Variants in COX7B observed in about 807,000 individuals in gnomAD.
COX7B encodes cytochrome c oxidase subunit 7B.
A neutral mutation model predicts 7.9 loss-of-function variants in COX7B; 2 were observed. That is an observed-to-expected ratio of 0.25 (90% CI 0.10 to 0.79). The LOEUF (loss-of-function observed/expected upper bound fraction) is 0.79. Ranked by LOEUF, COX7B falls within the 30% of genes least tolerant of loss-of-function variation. The pLI, the probability that COX7B is intolerant of heterozygous loss-of-function variation, is 0.69. For synonymous variants in COX7B, 19 were observed against 21.1 expected (o/e 0.90, Z 0.27); for missense variants, 54 against 62.7 (o/e 0.86, Z 0.47).
intron 2 of COX7B, 174 bp downstream of exon 2, chrX:77,902,941 TTC>T: frequency 2.6e-6 from 1 of 380,772 alleles, no homozygotes; most frequent in Non-Finnish European, 4.3e-6. Flanking sequence ...TTCATCCATC[TTC>T]TGTTCTTAAC....
intron 2 of COX7B, among the ~76,000 whole-genome samples, chrX:77,903,879 T>C (rs1435584071): frequency 9.1e-6 from 1 of 110,492 alleles, no homozygotes; most frequent in East Asian, 2.8e-4. Context: ...CACTGTTACT[T>C]ACTGGCTAAA....
At chrX:77,901,102 G>A (rs1328742413) in intron 1 of COX7B, among the ~76,000 whole-genome samples, 1 of 110,758 alleles carries the variant, frequency 9.0e-6, no homozygotes. Context: ...TTGTAAATTT[G>A]CCTATCCCGG....
chrX:77,899,738 T>C, intron 1 of COX7B, 145 bp downstream of exon 1: 5 of 561,465 alleles, frequency 8.9e-6, no homozygotes, highest in Non-Finnish European at 1.5e-5. Context: ...GTCATTGGGA[T>C]GATGTCCTTA....
intron 2 of COX7B, chrX:77,903,191 ATT>A (rs1218515030): frequency 4.3e-5 from 2 of 46,127 alleles, no homozygotes; most frequent in South Asian, 9.6e-4. Flanking sequence ...AGGCCTGGCT[ATT>A]TTTTTTTTTT....
At chrX:77,899,658 G>C in intron 1 of COX7B, 65 bp downstream of exon 1, 1 of 1,068,629 alleles carries the variant, frequency 9.4e-7, no homozygotes, top group Non-Finnish European at 1.3e-6. Flanking sequence ...GCGGCCTCTC[G>C]TGTGCTTTCC....
rs1345550472 is a variant in COX7B at position 77,905,292 on chromosome X, TA to T, written c.*37del. On this transcript the variant is annotated 3_prime_UTR_variant, in exon 3 of 3. Transcript: ENST00000650309. Reference sequence around the variant, plus strand: ...CCAGCTGGTGTAATAATGAATTGTTTAAAAAACAGCTCATAATTGATGCCAA... The same window carrying T: ...CCAGCTGGTGTAATAATGAATTGTTTAAAAACAGCTCATAATTGATGCCAA... The T allele has an allele frequency of 6.1e-5, 66 of 1,079,163 alleles. No homozygotes were observed. The highest frequency in any genetic ancestry group is 8.5e-5 in the Non-Finnish European group (66 of 778,198). 88.9% of individuals were successfully genotyped at this position (1,079,163 alleles called of 1,213,427 possible).
chrX:77,902,463 T>C (rs2077122882), intron 1 of COX7B, among the ~76,000 whole-genome samples, 180 bp from the exon 2 acceptor site: 1 of 112,721 alleles, frequency 8.9e-6, no homozygotes, highest in South Asian at 3.6e-4. Context: ...ATCTTATTTT[T>C]GTTGCATTTC....
chrX:77,905,311 G>T lies in COX7B; in HGVS notation c.*50G>T, dbSNP rs2077131534. 7.1e-6 allele frequency: 7 copies of T among 983,592 alleles called. No individual in the cohort carries two copies. The highest frequency in any genetic ancestry group is 8.7e-6 in the Non-Finnish European group (6 of 690,122). The allele number at this position is 983,592 out of a possible 1,213,427, so 81.1% of individuals were successfully genotyped here. ...ATTGTTTAAAAAACAGCTCATAATT[G>T]ATGCCAAATTAAAGCACTGTGTACC... On this transcript the variant is annotated 3_prime_UTR_variant, in exon 3 of 3. Transcript: ENST00000650309.
At position 77,899,641 on chromosome X, in the gene COX7B, T is replaced by C. The variant is rs782000863; in HGVS notation, c.40+48T>C. 3.5e-6 allele frequency: 4 copies of C among 1,144,125 alleles called. No individual in the cohort carries two copies. In the East Asian group the frequency reaches 9.0e-5, roughly 26 times the overall value. 94.3% of individuals were successfully genotyped at this position (1,144,125 alleles called of 1,213,427 possible). A position where few individuals can be genotyped will look rare whatever the true frequency, so the allele number is the denominator to read the frequency against. On this transcript the variant is annotated intron_variant, in intron 1 of 2. Coordinates refer to ENST00000650309, the MANE Select transcript of COX7B (RefSeq NM_001866.3). ...CATTTACAACAACCTTATATCAATG[T>C]GTCCTCGCGGCCTCTCGTGTGCTTT...
At position 77,905,481 on chromosome X, in the gene COX7B, G is replaced by GTTT. The variant is rs34296412; in HGVS notation, c.*245_*247dup. On this transcript the variant is annotated 3_prime_UTR_variant, in exon 3 of 3. Transcript: ENST00000650309. The stretch of plus-strand genomic sequence containing the variant: ...AAATGCTGTGCAGCTTCTTAAATAG[G>GTTT]TTTTTTTTTTTTTTTTTTTTTTTTT... 88 of 67,730 alleles carry GTTT rather than the reference G, an allele frequency of 1.3e-3. No homozygotes were observed. The highest frequency in any genetic ancestry group is 2.6e-3 in the South Asian group (7 of 2,659). The allele number at this position is 67,730 out of a possible 1,213,427, so 5.6% of individuals were successfully genotyped here. A position where few individuals can be genotyped will look rare whatever the true frequency, so the allele number is the denominator to read the frequency against.
At chrX:77,901,579 A>G (rs1168080676) in intron 1 of COX7B, among the ~76,000 whole-genome samples, 1 of 111,329 alleles carries the variant, frequency 9.0e-6, no homozygotes, top group East Asian at 2.8e-4. Flanking sequence ...ACTAACAGCA[A>G]ACTTTATCAT....
At chrX:77,902,938 A>G in intron 2 of COX7B, 171 bp downstream of exon 2, 2 of 384,314 alleles carry the variant, frequency 5.2e-6, no homozygotes, top group Middle Eastern at 7.5e-4. Flanking sequence ...GCATTCATCC[A>G]TCTTCTGTTC....
chrX:77,901,770 G>C (rs1470719007), intron 1 of COX7B: 1 of 111,204 alleles, frequency 9.0e-6, no homozygotes, highest in Non-Finnish European at 1.9e-5. Flanking sequence ...TGTTACCCAG[G>C]CTGGAGTGTA....
Position 77,906,064 on chromosome X carries a change from C to T in COX7B, c.*803C>T, listed in dbSNP as rs2077134432. The T allele has an allele frequency of 8.9e-6, 1 of 112,252 alleles. No homozygotes were observed. Among genetic ancestry groups the T allele is most frequent in the South Asian group, 3.6e-4 (1 of 2,757 alleles). 9.3% of individuals were successfully genotyped at this position (112,252 alleles called of 1,213,427 possible). A position where few individuals can be genotyped will look rare whatever the true frequency, so the allele number is the denominator to read the frequency against. Reference sequence around the variant, plus strand: ...CCTCCCAAAGTGGTAGGATTACAGGCGTGAGCCACGGCACCCAGCCCTTAA... The same window carrying T: ...CCTCCCAAAGTGGTAGGATTACAGGTGTGAGCCACGGCACCCAGCCCTTAA... On this transcript the variant is annotated 3_prime_UTR_variant, in exon 3 of 3. Transcript: ENST00000650309.
chrX:77,905,088 C>A, intron 2 of COX7B, 96 bp from the exon 3 acceptor site: 2 of 714,240 alleles, frequency 2.8e-6, no homozygotes, highest in Non-Finnish European at 4.4e-6. Flanking sequence ...GTATTTTTAA[C>A]CTATAGAACA....
At chrX:77,904,923 C>CCTGGA (rs1435168725) in intron 2 of COX7B, among the ~76,000 whole-genome samples, 3 of 112,038 alleles carry the variant, frequency 2.7e-5, no homozygotes, top group Non-Finnish European at 5.6e-5. Flanking sequence ...CTAGTAGCCA[C>CCTGGA]ATGTAGCTAG....
chrX:77,904,163 A>C (rs181050112), intron 2 of COX7B, among the ~76,000 whole-genome samples: 8 of 105,742 alleles, frequency 7.6e-5, no homozygotes, highest in African/African-American at 2.1e-4. Context: ...CGATCTCCTG[A>C]CCTCGTGATC....
Position 77,904,025 on chromosome X carries a change from C to T in COX7B, c.166-1159C>T, listed in dbSNP as rs528501727. ...TCTGCTCACTGCAAACTCCGCCTCCCGGGTTCACGCCATCCTCCTGCCTCA... is the reference window on the plus strand; with the variant it reads ...TCTGCTCACTGCAAACTCCGCCTCCTGGGTTCACGCCATCCTCCTGCCTCA... On this transcript the variant is annotated intron_variant, in intron 2 of 2. Transcript: ENST00000650309. Among the ~76,000 whole-genome samples, 362 of 104,948 alleles carry T rather than the reference C, an allele frequency of 3.4e-3. 3 individuals carry two copies. The highest frequency in any genetic ancestry group is 0.011 in the African/African-American group (330 of 28,706). 91.1% of individuals were successfully genotyped at this position (104,948 alleles called of 115,157 possible).
chrX:77,904,099 A>AT (rs782223664), intron 2 of COX7B, among the ~76,000 whole-genome samples: 1 of 105,443 alleles, frequency 9.5e-6, no homozygotes, highest in African/African-American at 3.5e-5. Flanking sequence ...TGCCCGGCTA[A>AT]TTTTTTGTAT....
Sources: gnomAD v4.1 joint callset for allele counts (sites outside exome capture counted in the v4.1 genomes callset) on GRCh38, gnomAD v4.1.1 for gene constraint, MANE v1.5 for transcripts, NCBI Gene and HGNC (gene_info 2026-07-23, HGNC 2026-07-21) for gene names.